EML3: variants seen among roughly 807,000 people sequenced by gnomAD.
EML3 encodes EMAP like 3, also known as echinoderm microtubule-associated protein-like 3.
A neutral mutation model predicts 106.7 loss-of-function variants in EML3; 53 were observed. The ratio of observed to expected loss-of-function variants is 0.50; its 90% CI spans 0.40 to 0.62. EML3 has a LOEUF of 0.62. Ranked by LOEUF, EML3 falls within the 20% of genes least tolerant of loss-of-function variation. EML3 has a pLI of 0.00. For synonymous variants in EML3, 499 were observed against 489.6 expected, an observed-to-expected ratio of 1.02 and a Z score of -0.25; for missense variants, 994 against 1,209.1, an observed-to-expected ratio of 0.82 and a Z score of 2.64.
intron 10 of EML3, 117 bp from the exon 11 acceptor site, chr11:62,607,938 A>G (rs1565060575): frequency 6.4e-6 from 8 of 1,258,762 alleles, no homozygotes; most frequent in Non-Finnish European, 7.8e-6. Context: ...CCCCAGGACA[A>G]CCCTTCTTTC....
chr11:62,608,615 G>T lies in EML3; in HGVS notation c.1037C>A (p.Thr346Lys), dbSNP rs766240914. ...QPVVHIWDSETLLKLQEIGLG... is the reference protein window; with the variant it reads ...QPVVHIWDSEKLLKLQEIGLG... ...TCCAATCTCCTGCAGTTTCAACAGCGTCTCTGAGTCCCAGATGTGAACCAC... is the reference window on the plus strand; with the variant it reads ...TCCAATCTCCTGCAGTTTCAACAGCTTCTCTGAGTCCCAGATGTGAACCAC... Residue 346 changes from threonine to lysine, a missense_variant, in exon 9 of 22, where the codon ACG becomes AAG. Coordinates refer to ENST00000394773, the MANE Select transcript of EML3 (RefSeq NM_153265.3). 5 of 1,614,202 alleles carry T rather than the reference G, an allele frequency of 3.1e-6. No individual in the cohort carries two copies. Among genetic ancestry groups the T allele is most frequent in the Middle Eastern group, 1.6e-4 (1 of 6,062 alleles).
intron 11 of EML3, 78 bp from the exon 12 acceptor site, chr11:62,607,177 G>C: frequency 6.4e-7 from 1 of 1,553,242 alleles, no homozygotes; most frequent in Non-Finnish European, 8.7e-7. Context: ...GCCAGGTGCA[G>C]TGGCTCATGC....
chr11:62,605,151 C>T lies in EML3; in HGVS notation c.1944G>A (p.Pro648=), dbSNP rs1288498756. 2 of 1,612,936 alleles carry T rather than the reference C, an allele frequency of 1.2e-6. No individual in the cohort carries two copies. Among genetic ancestry groups the T allele is most frequent in the East Asian group, 2.2e-5 (1 of 44,782 alleles). ...GTCCTACGGCCACAACTGCCCCACT[C>T]GGGTGGAAGTCAGCACAGAGACCAG... ...KETGLCADFH[P]SGAVVAVGLN... Residue 648 remains proline, a synonymous_variant, in exon 16 of 22, where the codon CCG becomes CCA. Transcript: ENST00000394773. The surrounding 1 kb of genome is among the most constrained non-coding windows in gnomAD (Gnocchi z 5.2).
chr11:62,603,667 C>A (rs117283860), intron 19 of EML3, 62 bp downstream of exon 19: 75 of 1,394,412 alleles, frequency 5.4e-5, no homozygotes, highest in African/African-American at 4.6e-4. Context: ...CTCTAACAGC[C>A]CCCCCTACAC....
At chr11:62,607,953 C>A in intron 10 of EML3, 132 bp from the exon 11 acceptor site, 1 of 1,062,978 alleles carries the variant, frequency 9.4e-7, no homozygotes, top group South Asian at 1.6e-5. Context: ...TCTTTCAAAA[C>A]CCTGGTCCCC....
At chr11:62,603,601 T>C in intron 19 of EML3, 128 bp downstream of exon 19, 1 of 778,902 alleles carries the variant, frequency 1.3e-6, no homozygotes, top group South Asian at 1.8e-5. Context: ...AAATTTCTCC[T>C]ACATATAATT....
In EML3 at chr11:62,609,634, T is replaced by C; in HGVS notation, c.629A>G (p.Asn210Ser). Residue 210 changes from asparagine to serine, a missense_variant, in exon 5 of 22, where the codon AAT (asparagine) becomes AGT (serine). This residue lies in a region of EML3 where 269 missense variants were observed against 265.1 expected (regional missense o/e 1.01). Transcript: ENST00000394773. ...GGPGSRRSNYNLEGISVKMFL... is the reference protein window; with the variant it reads ...GGPGSRRSNYSLEGISVKMFL... Reference sequence around the variant, plus strand: ...CTCTGTCCCTCTTTACATACCCAAATTGTAATTGCTCCTCCGAGATCCAGG... The same window carrying C: ...CTCTGTCCCTCTTTACATACCCAAACTGTAATTGCTCCTCCGAGATCCAGG... The C allele has an allele frequency of 1.2e-6, 2 of 1,607,846 alleles. No individual in the cohort carries two copies. Among genetic ancestry groups the C allele is most frequent in the Non-Finnish European group, 1.7e-6 (2 of 1,177,150 alleles).
intron 20 of EML3, 94 bp downstream of exon 20, chr11:62,603,055 C>T (rs11231159): frequency 0.098 from 152,632 of 1,556,096 alleles, 8,578 homozygotes; most frequent in Non-Finnish European, 0.12. Flanking sequence ...GGTTTCTGGA[C>T]TCTCACCCAA....
At chr11:62,607,176 A>T in intron 11 of EML3, 77 bp from the exon 12 acceptor site, 1 of 1,542,874 alleles carries the variant, frequency 6.5e-7, no homozygotes, top group Non-Finnish European at 8.8e-7. Context: ...GGCCAGGTGC[A>T]GTGGCTCATG....
At chr11:62,607,568 A>C (rs1942599473) in intron 11 of EML3, 98 bp downstream of exon 11, 1 of 1,347,104 alleles carries the variant, frequency 7.4e-7, no homozygotes, top group Non-Finnish European at 1.0e-6. Flanking sequence ...TCACAGGGGC[A>C]GGTGGGGGTT....
chr11:62,611,668 C>A, intron 1 of EML3, 72 bp from the exon 2 acceptor site: 1 of 1,496,852 alleles, frequency 6.7e-7, no homozygotes, highest in East Asian at 2.4e-5. Context: ...TTCTGTCTCC[C>A]CACAACTTTA....
Position 62,605,805 on chromosome 11 carries a change from C to G in EML3, c.1783-32G>C, listed in dbSNP as rs1942480050. The G allele has an allele frequency of 1.9e-6, 3 of 1,607,410 alleles. No individual in the cohort carries two copies. Among genetic ancestry groups the G allele is most frequent in the East Asian group, 4.5e-5 (2 of 44,822 alleles). On this transcript the variant is annotated intron_variant, in intron 14 of 21. Transcript: ENST00000394773. The surrounding 1 kb of genome is among the most constrained non-coding windows in gnomAD (Gnocchi z 5.2). Reference sequence around the variant, plus strand: ...CACAGCATGACTGTCACTCCTGCCCCTCTCTCACACCCCTTTGTCCCTTCC... The same window carrying G: ...CACAGCATGACTGTCACTCCTGCCCGTCTCTCACACCCCTTTGTCCCTTCC...
chr11:62,608,730 C>A lies in EML3; in HGVS notation c.999+6G>T. On this transcript the variant is annotated splice_donor_region_variant and intron_variant, in intron 8 of 21. Coordinates refer to ENST00000394773, the MANE Select transcript of EML3 (RefSeq NM_153265.3). ...ATGTCTGCCTGCTCCCTGACTTTGG[C>A]CTTACCTTTCCATCCTTATCCACTC... 2 of 1,611,100 alleles carry A rather than the reference C, an allele frequency of 1.2e-6. No homozygotes were observed. Among genetic ancestry groups the A allele is most frequent in the Admixed American group, 1.7e-5 (1 of 59,910 alleles).
chr11:62,610,613 C>T (rs1207834146), intron 4 of EML3, among the ~76,000 whole-genome samples: 3 of 152,140 alleles, frequency 2.0e-5, no homozygotes, highest in East Asian at 3.9e-4. Context: ...AATGACTTAC[C>T]CTCTCTGAGC....
chr11:62,609,748 G>C, intron 4 of EML3, 52 bp from the exon 5 acceptor site: 1 of 1,487,854 alleles, frequency 6.7e-7, no homozygotes, highest in Non-Finnish European at 9.1e-7. Flanking sequence ...CAAGACCTAA[G>C]CGGGGAGGGG....
In EML3 at chr11:62,602,673, C is replaced by A; in HGVS notation, c.2493G>T (p.Pro831=). ...TGCCGTGGCCCCCGTACATGCGGCTCGGCGCCTGGGCCGGAGGGAAGAGTT... is the reference window on the plus strand; with the variant it reads ...TGCCGTGGCCCCCGTACATGCGGCTAGGCGCCTGGGCCGGAGGGAAGAGTT... The part of the protein sequence containing the change: ...FQYPCARAKA[P]SRMYGGHGSH... The change falls in exon 22 of 22, where the codon CCG becomes CCT. Residue 831 remains proline (P), a synonymous_variant. Transcript: ENST00000394773. The A allele has an allele frequency of 6.3e-7, 1 of 1,597,106 alleles. No individual in the cohort carries two copies.
chr11:62,606,328 A>G (rs1273937398), intron 12 of EML3, 114 bp from the exon 13 acceptor site: 8 of 1,209,978 alleles, frequency 6.6e-6, no homozygotes, highest in South Asian at 1.5e-5. Flanking sequence ...TGCACTGACT[A>G]CTATGTCTCA....
At chr11:62,604,992 G>A in intron 16 of EML3, 121 bp downstream of exon 16, 1 of 900,746 alleles carries the variant, frequency 1.1e-6, no homozygotes, top group South Asian at 1.8e-5. Flanking sequence ...GAGGCACAGA[G>A]GAGTGCCAAG....
intron 7 of EML3, 64 bp downstream of exon 7, chr11:62,608,898 T>C: frequency 6.3e-7 from 1 of 1,595,236 alleles, no homozygotes; most frequent in Non-Finnish European, 8.6e-7. Flanking sequence ...GCAACTCTTT[T>C]CTCCTGCTTC....
Sources: gnomAD v4.1 joint callset for allele counts (sites outside exome capture counted in the v4.1 genomes callset) on GRCh38, gnomAD v4.1.1 for gene constraint, gnomAD v4.1.1 regional missense constraint, Gnocchi (gnomAD v3.1) non-coding constraint, MANE v1.5 for transcripts, NCBI Gene and HGNC (gene_info 2026-07-23, HGNC 2026-07-21) for gene names.